Variants in FNIP1 observed in about 807,000 individuals in gnomAD.
FNIP1 encodes the protein folliculin interacting protein 1.
FNIP1 carries 40 observed loss-of-function variants against 124.5 expected under a neutral mutation model. That is an observed-to-expected ratio of 0.32 (90% CI 0.25 to 0.42). The LOEUF (loss-of-function observed/expected upper bound fraction) is 0.42. FNIP1 is among the 10% of genes least tolerant of loss of function. FNIP1 has a pLI of 1.00. For missense variants in FNIP1, 1,176 were observed against 1,403.7 expected, an observed-to-expected ratio of 0.84 and a Z score of 2.59; for synonymous variants, 472 against 470.6, an observed-to-expected ratio of 1.00 and a Z score of -0.04.
chr5:131,733,522 A>T (rs1770175698), intron 2 of FNIP1, among the ~76,000 whole-genome samples: 1 of 152,154 alleles, frequency 6.6e-6, no homozygotes, highest in Non-Finnish European at 1.5e-5. Flanking sequence ...TAATTTATTG[A>T]GAGTTTTTAG....
intron 11 of FNIP1, among the ~76,000 whole-genome samples, chr5:131,680,880 A>G (rs1395866348): frequency 6.6e-6 from 1 of 152,208 alleles, no homozygotes; most frequent in Non-Finnish European, 1.5e-5. Context: ...TTGAAGTAGC[A>G]GAGTAGAGAA....
At chr5:131,667,593 GTT>G in intron 15 of FNIP1, among the ~76,000 whole-genome samples, 1 of 151,974 alleles carries the variant, frequency 6.6e-6, no homozygotes, top group East Asian at 1.9e-4. Flanking sequence ...TTGTTTGTTT[GTT>G]TGTTTGTTTT....
At chr5:131,671,365 C>T (rs1003787643) in intron 14 of FNIP1, 140 bp downstream of exon 14, 5 of 725,930 alleles carry the variant, frequency 6.9e-6, no homozygotes, top group Admixed American at 6.2e-5. Flanking sequence ...TTTACTCCTT[C>T]TTATGAGTTA....
Position 131,643,571 on chromosome 5 carries a change from T to C in FNIP1, c.*1114A>G, listed in dbSNP as rs1382709067. 1.3e-5 allele frequency: 2 copies of C among 152,710 alleles called. No homozygotes were observed. The highest frequency in any genetic ancestry group is 3.7e-4 in the East Asian group (2 of 5,338). 9.5% of individuals were successfully genotyped at this position (152,710 alleles called of 1,614,324 possible). A position where few individuals can be genotyped will look rare whatever the true frequency, so the allele number is the denominator to read the frequency against. ...AGCCTTTCTTACAAGCAACACTCTA[T>C]AGTATGTACAAAGGCAACAATTGAG... On this transcript the variant is annotated 3_prime_UTR_variant, in exon 18 of 18. Coordinates refer to ENST00000510461, the MANE Select transcript of FNIP1 (RefSeq NM_133372.3).
At chr5:131,692,148 A>C (rs1298487167) in intron 11 of FNIP1, among the ~76,000 whole-genome samples, 1 of 152,174 alleles carries the variant, frequency 6.6e-6, no homozygotes, top group Non-Finnish European at 1.5e-5. Flanking sequence ...AGTTTCAAAG[A>C]ATCAATCGAA....
At chr5:131,743,915 T>C (rs926449777) in intron 2 of FNIP1, among the ~76,000 whole-genome samples, 3 of 152,084 alleles carry the variant, frequency 2.0e-5, no homozygotes, top group African/African-American at 7.2e-5. Context: ...AGAAAAATTA[T>C]TTTAGCAGCT....
At chr5:131,757,118 T>C (rs1422467343) in intron 1 of FNIP1, among the ~76,000 whole-genome samples, 2 of 152,000 alleles carry the variant, frequency 1.3e-5, no homozygotes, top group Non-Finnish European at 2.9e-5. Context: ...AAAGGAAGTA[T>C]AAAACAAACA....
chr5:131,682,940 G>A (rs1768140594), intron 11 of FNIP1, among the ~76,000 whole-genome samples: 1 of 151,428 alleles, frequency 6.6e-6, no homozygotes, highest in South Asian at 2.1e-4. Flanking sequence ...TCTTTGATAT[G>A]CCTAGGGTCT....
At chr5:131,645,603 T>C (rs1374409932) in intron 17 of FNIP1, among the ~76,000 whole-genome samples, 3 of 152,322 alleles carry the variant, frequency 2.0e-5, no homozygotes, top group African/African-American at 7.2e-5. Flanking sequence ...TGGGAATTCA[T>C]TTTGAAACTT....
intron 13 of FNIP1, among the ~76,000 whole-genome samples, chr5:131,676,031 T>TGTACTTCTAGTAGAGA: frequency 6.6e-6 from 1 of 151,752 alleles, no homozygotes. Flanking sequence ...GCTAATTTTT[T>TGTACTTCTAGTAGAGA]TTTTTTTTGA....
At chr5:131,749,608 T>A (rs561236124) in intron 1 of FNIP1, among the ~76,000 whole-genome samples, 1 of 152,226 alleles carries the variant, frequency 6.6e-6, no homozygotes, top group East Asian at 1.9e-4. Context: ...GCCAGGTTTG[T>A]CTCAAACTCC....
chr5:131,767,715 T>C (rs772313879), intron 1 of FNIP1, among the ~76,000 whole-genome samples: 17 of 152,146 alleles, frequency 1.1e-4, no homozygotes, highest in Non-Finnish European at 1.9e-4. Flanking sequence ...AGCCTGTATA[T>C]ATAGTAATCA....
At chr5:131,762,788 C>T (rs1427178012) in intron 1 of FNIP1, among the ~76,000 whole-genome samples, 3 of 152,094 alleles carry the variant, frequency 2.0e-5, no homozygotes, top group Non-Finnish European at 4.4e-5. Context: ...CCAACCTAAA[C>T]GTCCATCAAC....
At chr5:131,718,370 G>A (rs983947754) in intron 5 of FNIP1, among the ~76,000 whole-genome samples, 16 of 152,120 alleles carry the variant, frequency 1.1e-4, no homozygotes, top group Non-Finnish European at 1.9e-4. Context: ...GTTACCCCCA[G>A]GGGCTCTGAC....
intron 8 of FNIP1, 39 bp from the exon 9 acceptor site, chr5:131,706,585 G>C: frequency 6.9e-7 from 1 of 1,443,624 alleles, no homozygotes; most frequent in Non-Finnish European, 9.2e-7. Context: ...AGTCAATAAT[G>C]ACTAAGCATA....
intron 15 of FNIP1, among the ~76,000 whole-genome samples, chr5:131,655,193 G>A (rs1219801622): frequency 1.3e-5 from 2 of 152,040 alleles, no homozygotes; most frequent in African/African-American, 4.8e-5. Context: ...AGAAAAGTTA[G>A]GCATGTCATG....
Position 131,677,569 on chromosome 5 carries a change from G to C in FNIP1, c.1519+134C>G, listed in dbSNP as rs1275838958. ...ATAAGACAAATTGGCAGACATGAAA[G>C]GACAAGCAAAGCAGAGATGCTTTAG... On this transcript the variant is annotated intron_variant, in intron 13 of 17. Transcript: ENST00000510461. 4.2e-5 allele frequency: 33 copies of C among 793,920 alleles called. 1 individual carries two copies. The highest frequency in any genetic ancestry group is 5.2e-5 in the Non-Finnish European group (27 of 518,224). The allele number at this position is 793,920 out of a possible 1,614,324, so 49.2% of individuals were successfully genotyped here. A position where few individuals can be genotyped will look rare whatever the true frequency, so the allele number is the denominator to read the frequency against.
chr5:131,688,629 C>A (rs1768365281), intron 11 of FNIP1, among the ~76,000 whole-genome samples: 1 of 141,446 alleles, frequency 7.1e-6, no homozygotes, highest in African/African-American at 2.6e-5. Flanking sequence ...TTAAAATAGA[C>A]AACATGCAAG....
intron 1 of FNIP1, among the ~76,000 whole-genome samples, chr5:131,778,737 G>A (rs1318291707): frequency 9.1e-6 from 1 of 109,654 alleles, no homozygotes; most frequent in Non-Finnish European, 1.8e-5. Flanking sequence ...CAAAGACTTG[G>A]AACCAACCCA....
Sources: allele counts gnomAD v4.1 joint callset (sites outside exome capture counted in the v4.1 genomes callset), GRCh38; gene constraint gnomAD v4.1.1; transcripts MANE v1.5; gene names NCBI Gene and HGNC (gene_info 2026-07-23, HGNC 2026-07-21).